PXDN: variants seen among roughly 807,000 people sequenced by gnomAD.
PXDN encodes the protein peroxidasin homolog.
A neutral mutation model predicts 140.3 loss-of-function variants in PXDN; 77 were observed. The ratio of observed to expected loss-of-function variants is 0.55; its 90% CI spans 0.46 to 0.66. The LOEUF (loss-of-function observed/expected upper bound fraction) is 0.66. PXDN is among the 30% of genes least tolerant of loss of function. The pLI, the probability that PXDN is intolerant of heterozygous loss-of-function variation, is 0.00. For synonymous variants in PXDN, 911 were observed against 857.4 expected, an observed-to-expected ratio of 1.06 and a Z score of -1.09; for missense variants, 1,838 against 2,039.5, an observed-to-expected ratio of 0.90 and a Z score of 1.90.
chr2:1,711,672 A>G (rs1191747771), intron 1 of PXDN, among the ~76,000 whole-genome samples: 1 of 148,610 alleles, frequency 6.7e-6, no homozygotes, highest in Non-Finnish European at 1.5e-5. Context: ...ACTCTCCACC[A>G]GCACCTGCCG....
In PXDN at chr2:1,639,010, T is replaced by C. The variant is rs1434005228; in HGVS notation, c.4074-32A>G. 1.2e-6 allele frequency: 2 copies of C among 1,611,286 alleles called. No homozygotes were observed. Among genetic ancestry groups the C allele is most frequent in the Non-Finnish European group, 1.7e-6 (2 of 1,178,038 alleles). On this transcript the variant is annotated intron_variant, in intron 20 of 22. Coordinates refer to ENST00000252804, the MANE Select transcript of PXDN (RefSeq NM_012293.3). This position sits in a 1 kb window ranked among gnomAD's most constrained non-coding sequence, Gnocchi z 5.0. Reference sequence around the variant, plus strand: ...TGAGGGGAAAGGAGGAGGAGGGAAATATAACCTTGGCAGGTCACGCCGGGT... The same window carrying C: ...TGAGGGGAAAGGAGGAGGAGGGAAACATAACCTTGGCAGGTCACGCCGGGT...
chr2:1,648,462 G>A lies in PXDN; in HGVS notation c.3318C>T (p.Phe1106=), dbSNP rs751628855. ...LPLHKAFFSP[F]RIVNEGGIDP... ...CGATGCCGCCCTCATTCACAATCCG[G>A]AAGGGAGAGAAGAAAGCTTTGTGAA... The change falls in exon 17 of 23, where the codon TTC becomes TTT. Residue 1106 remains phenylalanine (F), a synonymous_variant. Coordinates refer to ENST00000252804, the MANE Select transcript of PXDN (RefSeq NM_012293.3). The surrounding 1 kb of genome is among the most constrained non-coding windows in gnomAD (Gnocchi z 8.9). 9 of 1,610,678 alleles carry A rather than the reference G, an allele frequency of 5.6e-6. No individual in the cohort carries two copies. In the Admixed American group the frequency reaches 1.5e-4, roughly 27 times the overall value.
rs372609973 is a variant in PXDN at position 1,649,609 on chromosome 2, G to A, written c.2171C>T (p.Thr724Ile). ...GCAGTTGTTCACGCGCCGGTGGGCG[G>A]TACAGCCCGACAGGTTTGCGATGAG... Reference protein sequence around the residue: ...LNLIANLSGCTAHRRVNNCSD... With the variant: ...LNLIANLSGCIAHRRVNNCSD... The change falls in exon 17 of 23, where the codon ACC (threonine) becomes ATC (isoleucine). Residue 724 changes from threonine to isoleucine, a missense_variant. Physicochemically the swap from Thr to Ile is moderately conservative, Grantham distance 89. This residue lies in a region of PXDN where 537 missense variants were observed against 583.9 expected (regional missense o/e 0.92). Coordinates refer to ENST00000252804, the MANE Select transcript of PXDN (RefSeq NM_012293.3). This position sits in a 1 kb window ranked among gnomAD's most constrained non-coding sequence, Gnocchi z 7.1. 2.0e-5 allele frequency: 32 copies of A among 1,613,858 alleles called. No homozygotes were observed. The highest frequency in any genetic ancestry group is 2.5e-5 in the Non-Finnish European group (30 of 1,179,892).
At chr2:1,733,502 G>A (rs1224987686) in intron 1 of PXDN, among the ~76,000 whole-genome samples, 1 of 152,164 alleles carries the variant, frequency 6.6e-6, no homozygotes, top group Non-Finnish European at 1.5e-5. Context: ...AGCACTTTGG[G>A]AGGCCGAGGC....
chr2:1,716,441 A>G (rs1454836899), intron 1 of PXDN, among the ~76,000 whole-genome samples: 9 of 46,112 alleles, frequency 2.0e-4, no homozygotes, highest in Middle Eastern at 6.7e-3. Flanking sequence ...CCATCTCAGG[A>G]AAAAAAAAAA....
intron 1 of PXDN, among the ~76,000 whole-genome samples, chr2:1,718,020 G>A (rs1212210235): frequency 7.3e-6 from 1 of 137,338 alleles, no homozygotes; most frequent in East Asian, 2.2e-4. Context: ...CCCACTAACC[G>A]ACCACCCAAA....
chr2:1,716,891 G>C (rs1684909004), intron 1 of PXDN, among the ~76,000 whole-genome samples: 1 of 152,112 alleles, frequency 6.6e-6, no homozygotes, highest in Admixed American at 6.6e-5. Context: ...AGATAAGTGG[G>C]TCCCTGTGCC....
intron 13 of PXDN, among the ~76,000 whole-genome samples, chr2:1,661,497 C>T (rs148784400): frequency 3.3e-5 from 5 of 152,230 alleles, no homozygotes; most frequent in South Asian, 2.1e-4. Flanking sequence ...GTGTGTGTGG[C>T]GAGGAAGAAA....
chr2:1,678,156 G>A (rs1258527432), intron 7 of PXDN, among the ~76,000 whole-genome samples: 2 of 152,010 alleles, frequency 1.3e-5, no homozygotes, highest in Non-Finnish European at 2.9e-5. Flanking sequence ...TCTCTCCTCT[G>A]CAGCACTAGA....
chr2:1,708,236 G>T (rs1266242276), intron 1 of PXDN, among the ~76,000 whole-genome samples: 1 of 152,206 alleles, frequency 6.6e-6, no homozygotes, highest in East Asian at 1.9e-4. Context: ...CCCTGCCATT[G>T]TTCTGCAATT....
intron 1 of PXDN, among the ~76,000 whole-genome samples, chr2:1,741,300 G>A (rs1277450085): frequency 2.6e-5 from 4 of 152,152 alleles, no homozygotes. Context: ...CTATTGTGTT[G>A]GGTACAGAAT....
At chr2:1,656,957 A>G (rs1450621689) in intron 14 of PXDN, among the ~76,000 whole-genome samples, 1 of 148,434 alleles carries the variant, frequency 6.7e-6, no homozygotes, top group Non-Finnish European at 1.5e-5. Flanking sequence ...CCTGCCTCAG[A>G]CCTGTCCCCT....
Position 1,660,712 on chromosome 2 carries a change from G to A in PXDN, c.1837+169C>T, listed in dbSNP as rs897459977. Among the ~76,000 whole-genome samples, 3 of 152,162 alleles carry A rather than the reference G, an allele frequency of 2.0e-5. No individual in the cohort carries two copies. The highest frequency in any genetic ancestry group is 2.9e-5 in the Non-Finnish European group (2 of 68,032). ...GCCTGTGTGGAGGGGAGGGGCTGTC[G>A]AGCAGCCCGGCCATGCATCAGGAGA... On this transcript the variant is annotated intron_variant, in intron 14 of 22. Transcript: ENST00000252804. The surrounding 1 kb of genome is among the most constrained non-coding windows in gnomAD (Gnocchi z 4.6).
chr2:1,712,078 T>TAA lies in PXDN; in HGVS notation c.201-18946_201-18945dup, dbSNP rs34251687. On this transcript the variant is annotated intron_variant, in intron 1 of 22. Transcript: ENST00000252804. The stretch of plus-strand genomic sequence containing the variant: ...ATATATTGATCAAGATCAACGAGGG[T>TAA]AAAAAAAAGCCATTTTTTCTCTCCA... Among the ~76,000 whole-genome samples, 106 of 151,752 alleles carry TAA rather than the reference T, an allele frequency of 7.0e-4. No individual in the cohort carries two copies. The East Asian group carries it at 0.012, about 17-fold the overall frequency.
chr2:1,697,509 G>C (rs1479093358), intron 1 of PXDN, among the ~76,000 whole-genome samples: 1 of 152,210 alleles, frequency 6.6e-6, no homozygotes, highest in Non-Finnish European at 1.5e-5. Context: ...ACTGTGGGGA[G>C]GCATTTGATC....
intron 14 of PXDN, among the ~76,000 whole-genome samples, chr2:1,657,314 C>T (rs1683167695): frequency 6.8e-6 from 1 of 147,752 alleles, no homozygotes; most frequent in African/African-American, 2.5e-5. Context: ...ACCTGCCCCT[C>T]CTGACAGAAA....
rs144507991 is a variant in PXDN, at chr2:1,657,154, C to A, written c.1838-2646G>T. ...CTTACCCCTCCTGACTGGGGGGGGA[C>A]CTGCCTCCTACTGACTGGGGGGGAA... On this transcript the variant is annotated intron_variant, in intron 14 of 22. Transcript: ENST00000252804. Among the ~76,000 whole-genome samples the A allele has an allele frequency of 7.1e-3, 1,049 of 147,508 alleles. 11 individuals are homozygous for A. The highest frequency in any genetic ancestry group is 0.025 in the African/African-American group (1,012 of 39,826).
chr2:1,661,647 T>C (rs1318741020), intron 13 of PXDN, among the ~76,000 whole-genome samples: 1 of 152,146 alleles, frequency 6.6e-6, no homozygotes, highest in Non-Finnish European at 1.5e-5. Context: ...CGGGTCATGG[T>C]GTGTGAGTGC....
intron 1 of PXDN, among the ~76,000 whole-genome samples, chr2:1,730,100 G>T (rs938392625): frequency 2.6e-5 from 4 of 152,258 alleles, no homozygotes; most frequent in Admixed American, 1.3e-4. Flanking sequence ...GCTTCTGTGT[G>T]TGTGCATCTG....
Sources: allele counts gnomAD v4.1 joint callset (sites outside exome capture counted in the v4.1 genomes callset), GRCh38; gene constraint gnomAD v4.1.1; regional missense constraint gnomAD v4.1.1; non-coding constraint Gnocchi (gnomAD v3.1); transcripts MANE v1.5; gene names NCBI Gene and HGNC (gene_info 2026-07-23, HGNC 2026-07-21).